Variants in PCDH11X observed in about 807,000 individuals in gnomAD.
The protein encoded by PCDH11X is protocadherin 11 X-linked.
A neutral mutation model predicts 53.3 loss-of-function variants in PCDH11X; 18 were observed. The observed-to-expected ratio is 0.34, with a 90% CI of 0.23 to 0.50. The LOEUF (loss-of-function observed/expected upper bound fraction) is 0.50, where lower values mean the gene tolerates loss of function less well. PCDH11X is among the 20% of genes least tolerant of loss of function. The pLI is 0.98. For synonymous variants in PCDH11X, 279 were observed against 393.3 expected, an observed-to-expected ratio of 0.71 and a Z score of 3.44; for missense variants, 570 against 1,032.4, an observed-to-expected ratio of 0.55 and a Z score of 6.14.
In PCDH11X at chrX:91,819,362, A is replaced by G. The variant is rs183590956; in HGVS notation, c.-45+8067A>G. Among the ~76,000 whole-genome samples the G allele has an allele frequency of 5.7e-3, 630 of 110,338 alleles. 1 individual carries two copies. Among genetic ancestry groups the G allele is most frequent in the African/African-American group, 0.019 (593 of 30,432 alleles). On this transcript the variant is annotated intron_variant, in intron 4 of 10. Coordinates refer to ENST00000682573, the MANE Select transcript of PCDH11X (RefSeq NM_032968.5). ...ATTAATTTAAATATTTTACTTACTA[A>G]TAGTTTGAAAAACTGATTTCCTAAG...
intron 1 of PCDH11X, among the ~76,000 whole-genome samples, chrX:91,779,950 G>C (rs956320033): frequency 3.6e-5 from 4 of 111,705 alleles, no homozygotes; most frequent in Non-Finnish European, 7.5e-5. Context: ...TCTCACTTTT[G>C]TCAGAAATGT....
chrX:92,120,084 C>T (rs933192824), intron 6 of PCDH11X, among the ~76,000 whole-genome samples: 1 of 110,143 alleles, frequency 9.1e-6, no homozygotes, highest in African/African-American at 3.3e-5. Context: ...CCTATACCAT[C>T]CATCATATGA....
At chrX:92,597,423 A>G (rs992950082) in intron 10 of PCDH11X, among the ~76,000 whole-genome samples, 2 of 111,471 alleles carry the variant, frequency 1.8e-5, no homozygotes, top group Admixed American at 1.9e-4. Context: ...TAGTCAAATT[A>G]ATAATAGCCA....
intron 8 of PCDH11X, among the ~76,000 whole-genome samples, chrX:92,283,649 A>G (rs6618944): frequency 0.15 from 16,307 of 111,031 alleles, 1,748 homozygotes; most frequent in East Asian, 0.48. Flanking sequence ...AGCACTTTTC[A>G]TGATCTGATG....
intron 10 of PCDH11X, among the ~76,000 whole-genome samples, chrX:92,525,357 G>A (rs1293348877): frequency 1.8e-5 from 2 of 111,644 alleles, no homozygotes; most frequent in African/African-American, 3.3e-5. Context: ...TTGGCTGGGC[G>A]CGGTGGCTCA....
intron 10 of PCDH11X, among the ~76,000 whole-genome samples, chrX:92,567,368 AG>A (rs2148769262): frequency 1.3e-5 from 1 of 79,181 alleles, no homozygotes; most frequent in Non-Finnish European, 2.6e-5. Context: ...CTGTATTCCT[AG>A]GTATTTTTCT....
At chrX:91,890,329 T>G (rs539763619) in intron 6 of PCDH11X, among the ~76,000 whole-genome samples, 40 of 111,500 alleles carry the variant, frequency 3.6e-4, no homozygotes, top group South Asian at 1.5e-3. Flanking sequence ...TTATGCCTCG[T>G]TTCTAAACTA....
At chrX:92,371,010 A>G (rs1191516522) in intron 8 of PCDH11X, among the ~76,000 whole-genome samples, 1 of 111,833 alleles carries the variant, frequency 8.9e-6, no homozygotes, top group Non-Finnish European at 1.9e-5. Flanking sequence ...ATTGCTTACT[A>G]TTAGCATAGC....
At chrX:91,942,842 A>G (rs1475305066) in intron 6 of PCDH11X, among the ~76,000 whole-genome samples, 1 of 111,092 alleles carries the variant, frequency 9.0e-6, no homozygotes, top group African/African-American at 3.3e-5. Context: ...CAAATCCAAC[A>G]TGATATACAT....
chrX:92,191,280 C>G (rs2066187803), intron 6 of PCDH11X, among the ~76,000 whole-genome samples: 1 of 112,100 alleles, frequency 8.9e-6, no homozygotes, highest in Non-Finnish European at 1.9e-5. Context: ...AGACAACTGA[C>G]TTGTTGCTTT....
chrX:91,914,746 G>A (rs1941496417), intron 6 of PCDH11X, among the ~76,000 whole-genome samples: 1 of 111,851 alleles, frequency 8.9e-6, no homozygotes, highest in Non-Finnish European at 1.9e-5. Context: ...AGAAATTTTT[G>A]ATTATATTAA....
intron 6 of PCDH11X, among the ~76,000 whole-genome samples, chrX:92,086,784 G>C (rs1468124582): frequency 9.0e-6 from 1 of 110,757 alleles, no homozygotes; most frequent in Non-Finnish European, 1.9e-5. Flanking sequence ...AGACACATGA[G>C]GGGAGACGAA....
At chrX:92,563,333 G>A (rs1391304067) in intron 10 of PCDH11X, among the ~76,000 whole-genome samples, 4 of 108,570 alleles carry the variant, frequency 3.7e-5, no homozygotes, top group African/African-American at 1.3e-4. Context: ...TCTCTATCAG[G>A]GGGATGGCAC....
chrX:92,596,343 T>G, intron 10 of PCDH11X, among the ~76,000 whole-genome samples: 1 of 109,811 alleles, frequency 9.1e-6, no homozygotes, highest in Non-Finnish European at 1.9e-5. Context: ...GTGACCAACA[T>G]CTTAAGAATA....
chrX:92,102,592 G>A (rs1319274552), intron 6 of PCDH11X, among the ~76,000 whole-genome samples: 2 of 111,966 alleles, frequency 1.8e-5, no homozygotes, highest in African/African-American at 3.2e-5. Context: ...CTGAAGTAAT[G>A]GGGGCTGTCT....
intron 6 of PCDH11X, among the ~76,000 whole-genome samples, chrX:92,072,321 A>T (rs1406959259): frequency 9.0e-6 from 1 of 110,699 alleles, no homozygotes; most frequent in Admixed American, 9.7e-5. Flanking sequence ...TGCAAGACAA[A>T]GTCCCTTTTA....
chrX:91,997,315 A>G (rs962092783), intron 6 of PCDH11X, among the ~76,000 whole-genome samples: 4 of 110,714 alleles, frequency 3.6e-5, no homozygotes, highest in Middle Eastern at 4.7e-3. Context: ...AAAAGTTTCA[A>G]ATTTTCACTG....
At chrX:92,338,304 A>G (rs1308659406) in intron 8 of PCDH11X, among the ~76,000 whole-genome samples, 1 of 111,864 alleles carries the variant, frequency 8.9e-6, no homozygotes, top group Non-Finnish European at 1.9e-5. Flanking sequence ...AGTTTAGGCT[A>G]CACTCTGTAT....
At chrX:92,345,904 T>G (rs2069883505) in intron 8 of PCDH11X, among the ~76,000 whole-genome samples, 1 of 108,476 alleles carries the variant, frequency 9.2e-6, no homozygotes, top group African/African-American at 3.3e-5. Flanking sequence ...TTTTTTTTTC[T>G]GATAAAAGTA....
Sources: gnomAD v4.1 joint callset for allele counts (sites outside exome capture counted in the v4.1 genomes callset) on GRCh38, gnomAD v4.1.1 for gene constraint, MANE v1.5 for transcripts, NCBI Gene and HGNC (gene_info 2026-07-23, HGNC 2026-07-21) for gene names.